PRP4K: variants seen among roughly 807,000 people sequenced by gnomAD.
PRP4K encodes serine/threonine-protein kinase PRP4 homolog.
chr6:4,032,463 C>T, the PRP4K span: 29 of 1,613,902 alleles, frequency 1.8e-5, no homozygotes, highest in Admixed American at 6.7e-5. Flanking sequence ...AAAATCAAAA[C>T]GGTCTGAAAC....
At chr6:4,048,378 CAAAAAAA>C in the PRP4K span, among the ~76,000 whole-genome samples, 5 of 98,934 alleles carry the variant, frequency 5.1e-5, no homozygotes, top group Admixed American at 4.2e-4. Flanking sequence ...GACTCCGTCT[CAAAAAAA>C]AAAAAAAAAA....
At chr6:4,026,462 C>G in the PRP4K span, among the ~76,000 whole-genome samples, 88 of 151,976 alleles carry the variant, frequency 5.8e-4, no homozygotes, top group Middle Eastern at 3.4e-3. Context: ...GCCATTATGC[C>G]CGGCTAGTTT....
chr6:4,021,894 A>C, the PRP4K span, among the ~76,000 whole-genome samples: 1 of 152,138 alleles, frequency 6.6e-6, no homozygotes, highest in Non-Finnish European at 1.5e-5. Flanking sequence ...TTTCTTCCTC[A>C]TGCGGTACCC....
chr6:4,023,811 TC>T, the PRP4K span, among the ~76,000 whole-genome samples: 2 of 152,036 alleles, frequency 1.3e-5, no homozygotes, highest in Admixed American at 6.5e-5. Context: ...CCTCAAGTGA[TC>T]CTCCTACTCC....
the PRP4K span, chr6:4,042,626 C>CA: frequency 7.3e-7 from 1 of 1,365,630 alleles, no homozygotes; most frequent in East Asian, 2.3e-5. Flanking sequence ...TTTGCTTTAA[C>CA]AAAAATGTAG....
At chr6:4,040,918 C>G in the PRP4K span, 4 of 1,612,666 alleles carry the variant, frequency 2.5e-6, no homozygotes, top group Non-Finnish European at 3.4e-6. Context: ...GAATCTTCGT[C>G]TGATGATAAG....
chr6:4,056,090 AT>A, the PRP4K span, among the ~76,000 whole-genome samples: 3 of 152,282 alleles, frequency 2.0e-5, no homozygotes, highest in East Asian at 3.9e-4. Flanking sequence ...ACTTTGTGAT[AT>A]CCATTTCCTC....
chr6:4,052,178 A>C, the PRP4K span: 1 of 1,401,822 alleles, frequency 7.1e-7, no homozygotes, highest in South Asian at 1.6e-5. Context: ...GCTGTAACAG[A>C]TTTTCTGCGT....
At chr6:4,024,209 C>T in the PRP4K span, among the ~76,000 whole-genome samples, 1 of 152,068 alleles carries the variant, frequency 6.6e-6, no homozygotes, top group Non-Finnish European at 1.5e-5. Flanking sequence ...CAGAGTCTTC[C>T]CATGTTGCCC....
chr6:4,034,469 T>C, the PRP4K span, among the ~76,000 whole-genome samples: 1 of 152,146 alleles, frequency 6.6e-6, no homozygotes, highest in African/African-American at 2.4e-5. Context: ...TAGAAAGTTA[T>C]TGCTAAATTT....
At chr6:4,061,774 C>T in the PRP4K span, 1 of 152,442 alleles carries the variant, frequency 6.6e-6, no homozygotes, top group East Asian at 1.9e-4. Flanking sequence ...AAAGTGTTGT[C>T]TATTGCATAA....
chr6:4,022,827 ATC>A, the PRP4K span, among the ~76,000 whole-genome samples: 2 of 152,184 alleles, frequency 1.3e-5, no homozygotes, highest in African/African-American at 4.8e-5. Context: ...TACCGTGCAG[ATC>A]TCATGCTATG....
the PRP4K span, among the ~76,000 whole-genome samples, chr6:4,031,118 G>C: frequency 3.9e-5 from 6 of 152,344 alleles, no homozygotes; most frequent in African/African-American, 1.4e-4. Flanking sequence ...TAGTCTTCCA[G>C]TGTATGTTAA....
At chr6:4,028,160 T>G in the PRP4K span, among the ~76,000 whole-genome samples, 2 of 152,186 alleles carry the variant, frequency 1.3e-5, no homozygotes, top group East Asian at 1.9e-4. Context: ...GTGACTTCTT[T>G]CCCTTCCATA....
At chr6:4,032,503 C>T in the PRP4K span, 1 of 1,613,968 alleles carries the variant, frequency 6.2e-7, no homozygotes, top group Admixed American at 1.7e-5. Context: ...ATTAAATCTC[C>T]CTCTAAAGAT....
the PRP4K span, among the ~76,000 whole-genome samples, chr6:4,053,903 T>TTTGTTTTG: frequency 0.021 from 3,134 of 149,486 alleles, 115 homozygotes; most frequent in African/African-American, 0.074. Context: ...TCTTTTGTTT[T>TTTGTTTTG]TTTTGTTTTG....
the PRP4K span, among the ~76,000 whole-genome samples, chr6:4,058,128 A>G: frequency 6.6e-6 from 1 of 152,204 alleles, no homozygotes; most frequent in South Asian, 2.1e-4. Flanking sequence ...CTCCTGCCTC[A>G]GTCTCCAATG....
the PRP4K span, chr6:4,032,434 G>C: frequency 2.4e-5 from 38 of 1,614,064 alleles, no homozygotes; most frequent in Non-Finnish European, 3.2e-5. Flanking sequence ...AAAGACAGAA[G>C]GTCACGGTCC....
At chr6:4,039,737 A>G in the PRP4K span, among the ~76,000 whole-genome samples, 1 of 151,954 alleles carries the variant, frequency 6.6e-6, no homozygotes, top group Admixed American at 6.6e-5. Context: ...ATCTGTTACT[A>G]TTCTTTACTC....
Sources: allele counts gnomAD v4.1 joint callset (sites outside exome capture counted in the v4.1 genomes callset), GRCh38; gene constraint gnomAD v4.1.1; transcripts MANE v1.5; gene names NCBI Gene and HGNC (gene_info 2026-07-23, HGNC 2026-07-21).